Variants in SEC24B observed in about 807,000 individuals in gnomAD.
The protein encoded by SEC24B is protein transport protein Sec24B.
SEC24B carries 45 observed loss-of-function variants against 142.8 expected under a neutral mutation model. That is an observed-to-expected ratio of 0.32 (90% CI 0.25 to 0.40). The LOEUF is 0.40. SEC24B is among the 10% of genes least tolerant of loss of function. The probability of loss-of-function intolerance (pLI) is 1.00; values close to 1 mark genes in which losing one functional copy is unlikely to be tolerated. For missense variants in SEC24B, 1,409 were observed against 1,526.8 expected (o/e 0.92, Z 1.29); for synonymous variants, 574 against 568.2 (o/e 1.01, Z -0.15).
At chr4:109,537,179 A>G (rs888986869) in intron 22 of SEC24B, among the ~76,000 whole-genome samples, 1 of 100,828 alleles carries the variant, frequency 9.9e-6, no homozygotes, top group African/African-American at 5.0e-5. Flanking sequence ...ATAATTAGGA[A>G]AAAAAATAGT....
intron 22 of SEC24B, among the ~76,000 whole-genome samples, chr4:109,538,284 T>A (rs1488077182): frequency 6.6e-6 from 1 of 152,258 alleles, no homozygotes; most frequent in Non-Finnish European, 1.5e-5. Context: ...GTCAGTGACA[T>A]ACTTGTCATT....
rs1310462493 is a variant in SEC24B at position 109,465,835 on chromosome 4, A to T, written c.877+2191A>T. 2.6e-5 allele frequency among the ~76,000 whole-genome samples: 4 copies of T among 152,282 alleles called. No homozygotes were observed. In the East Asian group the frequency reaches 7.7e-4, roughly 29 times the overall value. ...ATTCTCTGTTTGAGTAACTGCTCTA[A>T]TGGGTCCTGTAGGCAGAGAGGCAGG... On this transcript the variant is annotated intron_variant, in intron 2 of 23. Coordinates refer to ENST00000265175, the MANE Select transcript of SEC24B (RefSeq NM_006323.5).
chr4:109,521,406 C>CT lies in SEC24B; in HGVS notation c.2302-11dup, dbSNP rs1272668360. ...CCTTCTCAGTAATTCAATTTTTGAT[C>CT]TTTGTTTTCTCAGCTTATAAAAGAC... On this transcript the variant is annotated splice_polypyrimidine_tract_variant and intron_variant, in intron 13 of 23. Transcript: ENST00000265175. 1 of 1,602,106 alleles carries CT rather than the reference C, an allele frequency of 6.2e-7. No individual in the cohort carries two copies. The highest frequency in any genetic ancestry group is 1.1e-5 in the South Asian group (1 of 90,734).
chr4:109,458,833 ATT>A (rs58779960), intron 1 of SEC24B, among the ~76,000 whole-genome samples: 3 of 146,994 alleles, frequency 2.0e-5, no homozygotes, highest in Admixed American at 6.8e-5. Flanking sequence ...CACTTTCTGT[ATT>A]TTTTTTTTTT....
At chr4:109,537,814 G>A (rs775704071) in intron 22 of SEC24B, among the ~76,000 whole-genome samples, 45 of 152,032 alleles carry the variant, frequency 3.0e-4, no homozygotes, top group South Asian at 4.2e-4. Context: ...AATATTGACC[G>A]GAATTACAAA....
At chr4:109,476,061 A>T (rs193111473) in intron 3 of SEC24B, among the ~76,000 whole-genome samples, 57 of 150,520 alleles carry the variant, frequency 3.8e-4, no homozygotes, top group African/African-American at 1.3e-3. Flanking sequence ...ATCTTGGGTC[A>T]CTGCAGCCTC....
Position 109,531,386 on chromosome 4 carries a change from A to T in SEC24B, c.3254A>T (p.Lys1085Ile), listed in dbSNP as rs201290029. ...AAACGTTTATCTTTTTCCTTGTAGA[A>T]AGCATTTAGAACGGGTACAAGCACA... ...PLYVLALLKQKAFRTGTSTRL... is the reference protein window; with the variant it reads ...PLYVLALLKQIAFRTGTSTRL... The change falls in exon 20 of 24, where the codon AAA (lysine) becomes ATA (isoleucine). Residue 1085 changes from lysine to isoleucine, a missense_variant and splice_region_variant. Transcript: ENST00000265175. The T allele has an allele frequency of 5.6e-6, 9 of 1,598,418 alleles. No individual in the cohort carries two copies. The highest frequency in any genetic ancestry group is 6.8e-6 in the Non-Finnish European group (8 of 1,171,348).
intron 2 of SEC24B, among the ~76,000 whole-genome samples, chr4:109,467,702 A>G (rs1578820367): frequency 6.6e-6 from 1 of 152,208 alleles, no homozygotes; most frequent in African/African-American, 2.4e-5. Flanking sequence ...AAAAATTAGC[A>G]AGATAAGTCT....
chr4:109,486,490 T>C (rs1417974570), intron 4 of SEC24B, among the ~76,000 whole-genome samples: 1 of 152,218 alleles, frequency 6.6e-6, no homozygotes, highest in East Asian at 1.9e-4. Flanking sequence ...TTCTGATCTG[T>C]TCTCCTCGTT....
intron 11 of SEC24B, 58 bp downstream of exon 11, chr4:109,516,698 A>G: frequency 9.9e-7 from 1 of 1,011,056 alleles, no homozygotes; most frequent in South Asian, 1.6e-5. Context: ...ATAAATGTGT[A>G]TAAATATGAA....
intron 18 of SEC24B, among the ~76,000 whole-genome samples, chr4:109,528,760 C>T (rs562329773): frequency 6.6e-6 from 1 of 152,178 alleles, no homozygotes; most frequent in Non-Finnish European, 1.5e-5. Flanking sequence ...AGACATGAAA[C>T]AAGCCTTGCT....
intron 18 of SEC24B, among the ~76,000 whole-genome samples, chr4:109,529,900 ATTT>A (rs896681303): frequency 6.6e-6 from 1 of 151,978 alleles, no homozygotes; most frequent in South Asian, 2.1e-4. Flanking sequence ...TGCCCAGCTA[ATTT>A]TTTTATTTTT....
At chr4:109,453,949 C>T (rs1034174435) in intron 1 of SEC24B, among the ~76,000 whole-genome samples, 2 of 152,136 alleles carry the variant, frequency 1.3e-5, no homozygotes, top group African/African-American at 2.4e-5. Context: ...CCTCCACCTC[C>T]TGGGTTCAAG....
At chr4:109,471,375 G>A (rs1221465054) in intron 2 of SEC24B, among the ~76,000 whole-genome samples, 1 of 152,044 alleles carries the variant, frequency 6.6e-6, no homozygotes, top group Non-Finnish European at 1.5e-5. Flanking sequence ...AAACTCCTGG[G>A]CTCAAGCAAT....
intron 1 of SEC24B, among the ~76,000 whole-genome samples, chr4:109,443,442 G>C (rs1729119094): frequency 2.0e-5 from 3 of 152,118 alleles, no homozygotes; most frequent in Non-Finnish European, 4.4e-5. Context: ...AGATCTCACT[G>C]TGTTGCCTGG....
At chr4:109,483,003 C>CAT (rs1554001151) in intron 4 of SEC24B, among the ~76,000 whole-genome samples, 8,222 of 83,822 alleles carry the variant, frequency 0.098, 1,447 homozygotes, top group African/African-American at 0.35. Flanking sequence ...CACACACACA[C>CAT]ATATTATACA....
intron 1 of SEC24B, 141 bp downstream of exon 1, chr4:109,434,143 G>C: frequency 2.0e-6 from 1 of 498,254 alleles, no homozygotes; most frequent in Non-Finnish European, 2.6e-6. Context: ...GGCGCGGTGC[G>C]GAGGCCGCGG....
At position 109,494,750 on chromosome 4, in the gene SEC24B, A is replaced by G. The variant is rs370271043; in HGVS notation, c.1382A>G (p.Tyr461Cys). The G allele has an allele frequency of 1.3e-5, 21 of 1,614,094 alleles. No individual in the cohort carries two copies. The highest frequency in any genetic ancestry group is 2.2e-5 in the South Asian group (2 of 91,084). The change falls in exon 6 of 24, where the codon TAT becomes TGT. Residue 461 changes from tyrosine to cysteine, a missense_variant. By Grantham distance (194) the Tyr-to-Cys change is radical. This residue lies in a region of SEC24B where 709 missense variants were observed against 673.5 expected (regional missense o/e 1.05). Transcript: ENST00000265175. ...QPSKMAKPFG[Y>C]GYPTLQPGYQ... Reference sequence around the variant, plus strand: ...TCAAAAATGGCTAAGCCTTTTGGCTATGGCTATCCAACACTTCAGCCTGGT... The same window carrying G: ...TCAAAAATGGCTAAGCCTTTTGGCTGTGGCTATCCAACACTTCAGCCTGGT...
intron 6 of SEC24B, among the ~76,000 whole-genome samples, chr4:109,502,074 G>A (rs1033282108): frequency 6.6e-6 from 1 of 152,208 alleles, no homozygotes; most frequent in Non-Finnish European, 1.5e-5. Flanking sequence ...AGTTAGGTTT[G>A]AGTTAACATA....
Sources: allele counts gnomAD v4.1 joint callset (sites outside exome capture counted in the v4.1 genomes callset), GRCh38; gene constraint gnomAD v4.1.1; regional missense constraint gnomAD v4.1.1; transcripts MANE v1.5; gene names NCBI Gene and HGNC (gene_info 2026-07-23, HGNC 2026-07-21).